Variants in ZNF518A observed in about 807,000 individuals in gnomAD.
ZNF518A encodes the protein zinc finger protein 518A.
In ZNF518A, 47 loss-of-function variants were observed where a neutral mutation model predicts 102.7. That is an observed-to-expected ratio of 0.46 (90% confidence interval 0.36 to 0.58). The LOEUF (loss-of-function observed/expected upper bound fraction) is 0.58, where lower values mean the gene tolerates loss of function less well. Ranked by LOEUF, ZNF518A falls within the 20% of genes least tolerant of loss-of-function variation. The pLI is 0.00. For missense variants in ZNF518A, 1,793 were observed against 1,699.8 expected, an observed-to-expected ratio of 1.05 and a Z score of -0.96; for synonymous variants, 652 against 594.6, an observed-to-expected ratio of 1.10 and a Z score of -1.40.
At chr10:96,132,143 A>T (rs1201044048) in intron 1 of ZNF518A, among the ~76,000 whole-genome samples, 1 of 151,140 alleles carries the variant, frequency 6.6e-6, no homozygotes, top group Non-Finnish European at 1.5e-5. Context: ...TGAAATTTTT[A>T]TTTATTATCT....
intron 3 of ZNF518A, among the ~76,000 whole-genome samples, chr10:96,153,284 G>A (rs1185410094): frequency 2.6e-5 from 4 of 152,166 alleles, no homozygotes; most frequent in Admixed American, 2.6e-4. Flanking sequence ...CCCACACTGA[G>A]GCAAATCTGC....
chr10:96,144,646 A>G lies in ZNF518A; in HGVS notation c.-301-10680A>G, dbSNP rs587651318. ...AAAAATCTGAAGTGTTACTAGGTCC[A>G]TATGGTGTTCTTGGTGCAGTCTGTA... On this transcript the variant is annotated intron_variant, in intron 3 of 5. Transcript: ENST00000316045. 4.6e-5 allele frequency among the ~76,000 whole-genome samples: 7 copies of G among 152,350 alleles called. No individual in the cohort carries two copies. The South Asian group carries it at 1.4e-3, about 32-fold the overall frequency.
In ZNF518A at chr10:96,143,353, C is replaced by G. The variant is rs376939327; in HGVS notation, c.-302+9705C>G. ...TCAGATCTGTCCTCTATAGTCTGTT[C>G]TCACTTAACCTCCCCATCATGCATT... On this transcript the variant is annotated intron_variant, in intron 3 of 5. Transcript: ENST00000316045. Among the ~76,000 whole-genome samples, 4 of 152,306 alleles carry G rather than the reference C, an allele frequency of 2.6e-5. 1 individual carries two copies. The South Asian group carries it at 8.3e-4, about 32-fold the overall frequency.
chr10:96,182,682 G>C (rs1229674095), intron 1 of ZNF518A, among the ~76,000 whole-genome samples: 2 of 152,160 alleles, frequency 1.3e-5, no homozygotes, highest in African/African-American at 4.8e-5. Flanking sequence ...AAGCCAACTT[G>C]ATCATGGTGG....
At chr10:96,134,011 G>T (rs1554873368) in intron 3 of ZNF518A, among the ~76,000 whole-genome samples, 1 of 152,172 alleles carries the variant, frequency 6.6e-6, no homozygotes, top group African/African-American at 2.4e-5. Context: ...AATTCTGAAT[G>T]CTAAGAATTT....
rs1263704312 is a variant in ZNF518A at position 96,163,483 on chromosome 10, T to TA, written c.*2710dup. 9 of 167,098 alleles carry TA rather than the reference T, an allele frequency of 5.4e-5. No individual in the cohort carries two copies. The highest frequency in any genetic ancestry group is 8.8e-5 in the Non-Finnish European group (6 of 68,094). 10.4% of individuals were successfully genotyped at this position (167,098 alleles called of 1,614,324 possible). Reference sequence around the variant, plus strand: ...TCCATCTCCACTGAAATGGGTTTCTTACTATTTGGCAAGTACTTAAAAAAC... The same window carrying TA: ...TCCATCTCCACTGAAATGGGTTTCTTAACTATTTGGCAAGTACTTAAAAAAC... On this transcript the variant is annotated 3_prime_UTR_variant, in exon 6 of 6. Coordinates refer to ENST00000316045, the MANE Select transcript of ZNF518A (RefSeq NM_001330736.2).
chr10:96,168,481 T>G (rs1288366800), downstream of ZNF518A, among the ~76,000 whole-genome samples: 1 of 151,906 alleles, frequency 6.6e-6, no homozygotes, highest in Non-Finnish European at 1.5e-5. Context: ...CTGTCTAGAG[T>G]TCTTTCATTT....
Position 96,157,721 on chromosome 10 carries a change from G to A in ZNF518A, c.1399G>A (p.Val467Ile), listed in dbSNP as rs587650091. 2.1e-5 allele frequency: 34 copies of A among 1,613,894 alleles called. No individual in the cohort carries two copies. The highest frequency in any genetic ancestry group is 2.8e-5 in the Non-Finnish European group (33 of 1,179,782). Residue 467 changes from valine to isoleucine, a missense_variant, in exon 6 of 6, where the codon GTA becomes ATA. This residue lies in a region of ZNF518A where 1,741 missense variants were observed against 1,622.6 expected (regional missense o/e 1.07). Coordinates refer to ENST00000316045, the MANE Select transcript of ZNF518A (RefSeq NM_001330736.2). ...VLKLVPIKQN[V>I]CSPGSQSGAA... ...AAAATTGGTGCCTATCAAACAAAAT[G>A]TATGTTCACCAGGCTCACAGTCAGG...
chr10:96,154,924 CAGT>C (rs2082627160), intron 3 of ZNF518A, among the ~76,000 whole-genome samples: 1 of 152,060 alleles, frequency 6.6e-6, no homozygotes, highest in African/African-American at 2.4e-5. Context: ...ATTTCTAAAA[CAGT>C]AAAGTTTGTA....
At chr10:96,198,257 C>G (rs1224356951) in intron 1 of ZNF518A, among the ~76,000 whole-genome samples, 2 of 151,992 alleles carry the variant, frequency 1.3e-5, no homozygotes, top group Non-Finnish European at 2.9e-5. Context: ...GAATCAAAGA[C>G]AGTGATGGGA....
At position 96,160,216 on chromosome 10, in the gene ZNF518A, G is replaced by T. The variant is rs782438272; in HGVS notation, c.3894G>T (p.Lys1298Asn). 1.1e-5 allele frequency: 17 copies of T among 1,612,196 alleles called. No individual in the cohort carries two copies. In the South Asian group the frequency reaches 1.4e-4, roughly 14 times the overall value. Residue 1298 changes from lysine (K) to asparagine (N), a missense_variant, in exon 6 of 6, where the codon AAG becomes AAT. Transcript: ENST00000316045. ...PPRRKATLHR[K>N]CKEKAKPEDV... is the part of the protein sequence containing the mutation. Reference sequence around the variant, plus strand: ...GAAGAAAAGCAACATTGCATAGAAAGTGTAAAGAAAAGGCAAAACCTGAAG... The same window carrying T: ...GAAGAAAAGCAACATTGCATAGAAATTGTAAAGAAAAGGCAAAACCTGAAG...
chr10:96,182,342 C>T (rs1231626867), intron 1 of ZNF518A, among the ~76,000 whole-genome samples: 1 of 152,126 alleles, frequency 6.6e-6, no homozygotes, highest in African/African-American at 2.4e-5. Flanking sequence ...GCCTGATTGC[C>T]CTGGCCAGAA....
downstream of ZNF518A, among the ~76,000 whole-genome samples, chr10:96,167,883 ATTTGT>A (rs2083151581): frequency 6.6e-6 from 1 of 152,226 alleles, no homozygotes; most frequent in Non-Finnish European, 1.5e-5. Flanking sequence ...GCAATAGATA[ATTTGT>A]TTTAAAAGAC....
At chr10:96,167,309 T>G (rs1429566997), downstream of ZNF518A, among the ~76,000 whole-genome samples, 6 of 151,824 alleles carry the variant, frequency 4.0e-5, no homozygotes, top group African/African-American at 1.5e-4. Context: ...AAAAATAAAT[T>G]GGCCAAGCGT....
At chr10:96,130,283 C>T (rs1429580761), upstream of ZNF518A, among the ~76,000 whole-genome samples, 2 of 152,360 alleles carry the variant, frequency 1.3e-5, no homozygotes, top group East Asian at 3.9e-4. Context: ...CCCGGCCATT[C>T]AGCGCTTCCG....
In ZNF518A at chr10:96,158,186, T is replaced by C. The variant is rs781835846; in HGVS notation, c.1864T>C (p.Tyr622His). ...AGATATGCATAATTATTGCATTAAT[T>C]ATGGCAACTGTGAGTTACCTGTTGA... The part of the protein sequence containing the change: ...SGDMHNYCIN[Y>H]GNCELPVESS... Residue 622 changes from tyrosine (Y) to histidine (H), a missense_variant, in exon 6 of 6, where the codon TAT (tyrosine) becomes CAT (histidine). By Grantham distance (83) the Tyr-to-His change is moderately conservative. Coordinates refer to ENST00000316045, the MANE Select transcript of ZNF518A (RefSeq NM_001330736.2). 4.3e-6 allele frequency: 7 copies of C among 1,613,534 alleles called. No individual in the cohort carries two copies. The highest frequency in any genetic ancestry group is 5.9e-6 in the Non-Finnish European group (7 of 1,179,712).
intron 1 of ZNF518A, among the ~76,000 whole-genome samples, chr10:96,179,424 A>T (rs1360780228): frequency 6.6e-6 from 1 of 152,210 alleles, no homozygotes; most frequent in South Asian, 2.1e-4. Context: ...CCACAATAAG[A>T]TACTACTACA....
At chr10:96,149,269 A>G (rs2082319127) in intron 3 of ZNF518A, among the ~76,000 whole-genome samples, 2 of 152,306 alleles carry the variant, frequency 1.3e-5, no homozygotes, top group Middle Eastern at 3.4e-3. Flanking sequence ...TTTAAGGAGC[A>G]TTGCTGTCGC....
At chr10:96,189,444 T>G in intron 1 of ZNF518A, 1 of 614,976 alleles carries the variant, frequency 1.6e-6, no homozygotes, top group Admixed American at 1.9e-5. Context: ...ATTGATGAAC[T>G]TGGCTTCCAC....
Sources: allele counts gnomAD v4.1 joint callset (sites outside exome capture counted in the v4.1 genomes callset), GRCh38; gene constraint gnomAD v4.1.1; regional missense constraint gnomAD v4.1.1; transcripts MANE v1.5; gene names NCBI Gene and HGNC (gene_info 2026-07-23, HGNC 2026-07-21).